The following HERC6 variants were observed in gnomAD, a reference collection of about 807,000 sequenced individuals.
HERC6 encodes the protein probable E3 ubiquitin-protein ligase HERC6.
Under a neutral mutation model 114.5 loss-of-function variants are expected in HERC6, and 101 were observed. The ratio of observed to expected loss-of-function variants is 0.88; its 90% CI spans 0.75 to 1.04. The LOEUF is 1.04. Ranked by LOEUF, HERC6 falls within the 50% of genes least tolerant of loss-of-function variation. HERC6 has a pLI of 0.00. For missense variants in HERC6, 1,133 were observed against 1,230.9 expected (o/e 0.92, Z 1.19); for synonymous variants, 408 against 436.2 (o/e 0.94, Z 0.81).
intron 11 of HERC6, among the ~76,000 whole-genome samples, chr4:88,409,104 G>A (rs1039946998): frequency 6.6e-6 from 1 of 152,166 alleles, no homozygotes; most frequent in Admixed American, 6.6e-5. Context: ...CTAAAATAAT[G>A]ATGTTATTTG....
rs1734873188 is a variant in HERC6 at position 88,390,786 on chromosome 4, G to T, written c.571G>T (p.Ala191Ser). Residue 191 changes from alanine (A) to serine (S), a missense_variant, in exon 4 of 23, where the codon GCT (alanine) becomes TCT (serine). Coordinates refer to ENST00000264346, the MANE Select transcript of HERC6 (RefSeq NM_017912.4). Reference sequence around the variant, plus strand: ...ACTGGCTCAGGTGGCTGCCGGAGGGGCTCACAGCTTTGCCCTGTCTCTCTG... The same window carrying T: ...ACTGGCTCAGGTGGCTGCCGGAGGGTCTCACAGCTTTGCCCTGTCTCTCTG... ...IPLAQVAAGG[A>S]HSFALSLCGT... 6.2e-7 allele frequency: 1 copy of T among 1,614,076 alleles called. No individual in the cohort carries two copies. Among genetic ancestry groups the T allele is most frequent in the Non-Finnish European group, 8.5e-7 (1 of 1,180,044 alleles).
intron 8 of HERC6, among the ~76,000 whole-genome samples, chr4:88,400,306 ATCC>A (rs1042275845): frequency 1.7e-4 from 26 of 152,264 alleles, no homozygotes; most frequent in African/African-American, 5.8e-4. Flanking sequence ...GGCTTAAGCC[ATCC>A]TCTCGCCTCA....
At chr4:88,409,524 A>G (rs1735980458) in intron 11 of HERC6, among the ~76,000 whole-genome samples, 1 of 152,230 alleles carries the variant, frequency 6.6e-6, no homozygotes, top group African/African-American at 2.4e-5. Flanking sequence ...AATAGATACA[A>G]TATTTTTATT....
intron 6 of HERC6, 34 bp downstream of exon 6, chr4:88,396,176 TG>T: frequency 6.6e-7 from 1 of 1,518,814 alleles, no homozygotes; most frequent in Middle Eastern, 1.8e-4. Context: ...TTTCTTAGCA[TG>T]TGTAGAAAGT....
intron 3 of HERC6, among the ~76,000 whole-genome samples, chr4:88,386,136 C>A (rs1321488443): frequency 6.6e-6 from 1 of 151,444 alleles, no homozygotes; most frequent in African/African-American, 2.4e-5. Flanking sequence ...TGGGAACCTG[C>A]AAATTAAATT....
At chr4:88,381,772 G>T (rs755177753) in intron 1 of HERC6, among the ~76,000 whole-genome samples, 3 of 151,876 alleles carry the variant, frequency 2.0e-5, no homozygotes, top group Non-Finnish European at 4.4e-5. Context: ...TGGTCAGGCT[G>T]GTCTCAAACT....
chr4:88,440,429 A>G (rs752382201), intron 22 of HERC6, 179 bp downstream of exon 22: 23 of 545,740 alleles, frequency 4.2e-5, no homozygotes, highest in African/African-American at 7.7e-5. Context: ...ATAGAGCAGA[A>G]ACTTAATAGG....
rs749375812 is a variant in HERC6 at position 88,396,937 on chromosome 4, C to A, written c.974C>A (p.Pro325Gln). The A allele has an allele frequency of 2.5e-6, 4 of 1,612,454 alleles. No homozygotes were observed. Among genetic ancestry groups the A allele is most frequent in the Non-Finnish European group, 3.4e-6 (4 of 1,178,966 alleles). ...AGTGACACAAGCAAGCCAACTCATC[C>A]GGAGGCCCTGACAGAGAACTTTGAC... Reference protein sequence around the residue: ...GPSDTSKPTHPEALTENFDIS... With the variant: ...GPSDTSKPTHQEALTENFDIS... The change falls in exon 7 of 23, where the codon CCG becomes CAG. Residue 325 changes from proline (P) to glutamine (Q), a missense_variant. Around this residue, in one of 3 missense-constraint regions of HERC6, gnomAD observed 735 missense variants for 754.0 expected, o/e 0.97. Coordinates refer to ENST00000264346, the MANE Select transcript of HERC6 (RefSeq NM_017912.4).
At position 88,413,249 on chromosome 4, in the gene HERC6, A is replaced by T. The variant is rs1396810509; in HGVS notation, c.1541A>T (p.Gln514Leu). The T allele has an allele frequency of 8.1e-6, 13 of 1,612,206 alleles. No individual in the cohort carries two copies. Among genetic ancestry groups the T allele is most frequent in the African/African-American group, 1.3e-5 (1 of 74,786 alleles). Reference protein sequence around the residue: ...FAKAVCEMSKQSLQVLKKCWA... With the variant: ...FAKAVCEMSKLSLQVLKKCWA... ...AAGGCTGTGTGTGAAATGAGTAAAC[A>T]ATCTTTGCAAGTCCTAAGTAAGTTT... Residue 514 changes from glutamine to leucine, a missense_variant, in exon 12 of 23, where the codon CAA becomes CTA. Around this residue, in one of 3 missense-constraint regions of HERC6, gnomAD observed 735 missense variants for 754.0 expected, o/e 0.97. Transcript: ENST00000264346.
chr4:88,433,027 G>T (rs1418920819), intron 17 of HERC6, among the ~76,000 whole-genome samples: 3 of 152,140 alleles, frequency 2.0e-5, no homozygotes, highest in African/African-American at 7.2e-5. Flanking sequence ...GGCAGAGGTT[G>T]CAGTGAGCCA....
intron 17 of HERC6, among the ~76,000 whole-genome samples, chr4:88,434,193 G>A (rs1578430389): frequency 6.6e-6 from 1 of 152,348 alleles, no homozygotes; most frequent in South Asian, 2.1e-4. Flanking sequence ...GGGGAAGGAA[G>A]CACTGATGTG....
rs1454195896 is a variant in HERC6 at position 88,405,565 on chromosome 4, T to C, written c.1226T>C (p.Met409Thr). The C allele has an allele frequency of 2.6e-6, 4 of 1,538,272 alleles. No individual in the cohort carries two copies. In the African/African-American group the frequency reaches 5.5e-5, roughly 21 times the overall value. The change falls in exon 10 of 23, where the codon ATG becomes ACG. Residue 409 changes from methionine to threonine, a missense_variant. Around this residue, in one of 3 missense-constraint regions of HERC6, gnomAD observed 735 missense variants for 754.0 expected, o/e 0.97. Coordinates refer to ENST00000264346, the MANE Select transcript of HERC6 (RefSeq NM_017912.4). The part of the protein sequence containing the change: ...EHEMAKSEIR[M>T]IFSSPACLTA... ...TATTACTTTTACAGTGAAATTAGAA[T>C]GATATTTTCATCTCCTGCTTGTCTG...
chr4:88,429,332 G>A (rs1456165869), intron 16 of HERC6, among the ~76,000 whole-genome samples: 2 of 152,200 alleles, frequency 1.3e-5, no homozygotes, highest in Non-Finnish European at 2.9e-5. Context: ...TCTTCAGTGG[G>A]AGGAACTGCA....
chr4:88,396,479 TTACATATATA>T (rs1735236683), intron 6 of HERC6, among the ~76,000 whole-genome samples: 1 of 152,094 alleles, frequency 6.6e-6, no homozygotes. Context: ...TGATGTATAT[TTACATATATA>T]TTTTCGGAGT....
At chr4:88,432,032 G>A (rs902926085) in intron 17 of HERC6, among the ~76,000 whole-genome samples, 1 of 152,164 alleles carries the variant, frequency 6.6e-6, no homozygotes, top group African/African-American at 2.4e-5. Flanking sequence ...AGTACATGCT[G>A]AGCATCCTGT....
intron 11 of HERC6, among the ~76,000 whole-genome samples, chr4:88,409,614 G>A (rs977870862): frequency 4.6e-5 from 7 of 152,174 alleles, no homozygotes; most frequent in Non-Finnish European, 1.0e-4. Context: ...TTGGGAAGCA[G>A]GATAACCTTA....
intron 1 of HERC6, among the ~76,000 whole-genome samples, chr4:88,380,895 A>T (rs1049523973): frequency 6.6e-6 from 1 of 152,146 alleles, no homozygotes; most frequent in East Asian, 1.9e-4. Flanking sequence ...TTTAATCTTT[A>T]TAAAAATCAT....
intron 4 of HERC6, 37 bp downstream of exon 4, chr4:88,390,916 T>C: frequency 6.5e-7 from 1 of 1,540,074 alleles, no homozygotes; most frequent in Middle Eastern, 1.8e-4. Context: ...TAAATCATTC[T>C]TTCTTTCCAG....
At chr4:88,438,817 A>T (rs976126747) in intron 20 of HERC6, among the ~76,000 whole-genome samples, 3 of 152,196 alleles carry the variant, frequency 2.0e-5, no homozygotes, top group African/African-American at 7.2e-5. Context: ...CTTTTCAGAG[A>T]GCTGGTTGTT....
Sources: allele counts gnomAD v4.1 joint callset (sites outside exome capture counted in the v4.1 genomes callset), GRCh38; gene constraint gnomAD v4.1.1; regional missense constraint gnomAD v4.1.1; transcripts MANE v1.5; gene names NCBI Gene and HGNC (gene_info 2026-07-23, HGNC 2026-07-21).